Variants in FAXC observed in about 807,000 individuals in gnomAD.
FAXC encodes failed axon connections homolog.
Under a neutral mutation model 41.9 loss-of-function variants are expected in FAXC, and 10 were observed. The ratio of observed to expected loss-of-function variants is 0.24; its 90% CI spans 0.15 to 0.41. FAXC has a LOEUF of 0.41. FAXC is among the 10% of genes least tolerant of loss of function. The pLI, the probability that FAXC is intolerant of heterozygous loss-of-function variation, is 1.00. For missense variants in FAXC, 399 were observed against 510.9 expected, an observed-to-expected ratio of 0.78 and a Z score of 2.11; for synonymous variants, 183 against 183.8, an observed-to-expected ratio of 1.00 and a Z score of 0.03.
At chr6:99,293,901 G>A (rs1771357853) in intron 4 of FAXC, among the ~76,000 whole-genome samples, 1 of 152,068 alleles carries the variant, frequency 6.6e-6, no homozygotes, top group South Asian at 2.1e-4. Context: ...GACAAGCTGA[G>A]GAAACTGAGT....
At chr6:99,345,778 G>A (rs925619253) in intron 1 of FAXC, among the ~76,000 whole-genome samples, 2 of 152,228 alleles carry the variant, frequency 1.3e-5, no homozygotes, top group African/African-American at 4.8e-5. Context: ...AATGAAGTTA[G>A]TACTTAGTCA....
chr6:99,319,422 A>AT (rs1703941388), intron 4 of FAXC, among the ~76,000 whole-genome samples: 2 of 149,912 alleles, frequency 1.3e-5, no homozygotes, highest in Non-Finnish European at 3.0e-5. Flanking sequence ...AAAAAAAAAA[A>AT]GCAAACCCTC....
chr6:99,310,327 C>T (rs540070124), intron 4 of FAXC, among the ~76,000 whole-genome samples: 41 of 152,366 alleles, frequency 2.7e-4, no homozygotes, highest in African/African-American at 8.9e-4. Flanking sequence ...TGCCCTCACG[C>T]GGCCCTTCCC....
chr6:99,318,302 C>CA (rs1328926883), intron 4 of FAXC, among the ~76,000 whole-genome samples: 3 of 104,626 alleles, frequency 2.9e-5, no homozygotes, highest in Non-Finnish European at 6.8e-5. Flanking sequence ...CACACACACA[C>CA]ACACAAAATA....
chr6:99,289,499 T>A (rs543079077), intron 5 of FAXC, among the ~76,000 whole-genome samples: 21 of 151,922 alleles, frequency 1.4e-4, no homozygotes, highest in African/African-American at 2.7e-4. Context: ...TAAAAAAAAA[T>A]TTTTTAATTA....
At chr6:99,332,534 A>G (rs1005171314) in intron 3 of FAXC, among the ~76,000 whole-genome samples, 1 of 152,212 alleles carries the variant, frequency 6.6e-6, no homozygotes, top group Non-Finnish European at 1.5e-5. Flanking sequence ...TTTGTAAAGC[A>G]AGAACCATAT....
intron 5 of FAXC, among the ~76,000 whole-genome samples, chr6:99,286,666 A>G (rs1248505112): frequency 6.6e-6 from 1 of 152,226 alleles, no homozygotes; most frequent in Non-Finnish European, 1.5e-5. Context: ...TTGACCCATC[A>G]TGGCTTCAAT....
At chr6:99,332,679 G>C (rs1320244993) in intron 3 of FAXC, among the ~76,000 whole-genome samples, 1 of 152,160 alleles carries the variant, frequency 6.6e-6, no homozygotes, top group Non-Finnish European at 1.5e-5. Flanking sequence ...AGAAAATCCA[G>C]AAAGGAGTAG....
In FAXC at chr6:99,280,894, T is replaced by C. The variant is rs1770805519; in HGVS notation, c.*270A>G. On this transcript the variant is annotated 3_prime_UTR_variant, in exon 6 of 6. Transcript: ENST00000389677. ...CTCTTACACCTGCTCTACCACACAA[T>C]ATTATTAATAGTTTTCTAATGAAAA... The C allele has an allele frequency of 2.0e-5, 7 of 347,060 alleles. No individual in the cohort carries two copies. Among genetic ancestry groups the C allele is most frequent in the Non-Finnish European group, 3.2e-5 (6 of 186,626 alleles). 21.5% of individuals were successfully genotyped at this position (347,060 alleles called of 1,614,324 possible).
chr6:99,298,141 T>C (rs1311153501), intron 4 of FAXC, among the ~76,000 whole-genome samples: 1 of 152,194 alleles, frequency 6.6e-6, no homozygotes, highest in Admixed American at 6.5e-5. Context: ...TTCCAGGTGA[T>C]TCTTGTGCAC....
chr6:99,308,948 A>C (rs1256109157), intron 4 of FAXC, among the ~76,000 whole-genome samples: 2 of 152,246 alleles, frequency 1.3e-5, no homozygotes, highest in East Asian at 3.8e-4. Context: ...AGGTTGACCA[A>C]GCACCAAACA....
In FAXC at chr6:99,349,360, C is replaced by A. The variant is rs758365242; in HGVS notation, c.13G>T (p.Val5Phe). The A allele has an allele frequency of 6.2e-7, 1 of 1,610,866 alleles. No individual in the cohort carries two copies. The highest frequency in any genetic ancestry group is 1.1e-5 in the South Asian group (1 of 91,044). Residue 5 changes from valine to phenylalanine, a missense_variant, in exon 1 of 6, where the codon GTT (valine) becomes TTT (phenylalanine). By Grantham distance (50) the Val-to-Phe change is conservative (BLOSUM62 -1). Around this residue, in one of 3 missense-constraint regions of FAXC, gnomAD observed 68 missense variants for 63.4 expected, o/e 1.07. Transcript: ENST00000389677. ...CACGGCCTGGACGAAGCAAAGCCAA[C>A]CCCCCAGTGCATGCTGCGCGGCTGG... MHWG[V>F]GFASSRPCVV...
intron 3 of FAXC, among the ~76,000 whole-genome samples, chr6:99,329,847 C>T (rs1772967594): frequency 6.6e-6 from 1 of 150,414 alleles, no homozygotes; most frequent in African/African-American, 2.4e-5. Context: ...TGTTCTAATG[C>T]CTGTGTGTAT....
At position 99,291,863 on chromosome 6, in the gene FAXC, T is replaced by TGCCCCACATC. The variant is rs572069702; in HGVS notation, c.824-53_824-44dup. The TGCCCCACATC allele has an allele frequency of 7.8e-5, 106 of 1,354,638 alleles. 1 individual carries two copies. The East Asian group carries it at 2.2e-3, about 28-fold the overall frequency. 83.9% of individuals were successfully genotyped at this position (1,354,638 alleles called of 1,614,324 possible). On this transcript the variant is annotated intron_variant, in intron 4 of 5. Coordinates refer to ENST00000389677, the MANE Select transcript of FAXC (RefSeq NM_032511.4). ...GAGAAGTCAATGGGCTGGCCCACAC[T>TGCCCCACATC]GCCCCACATCATCACAATGGCATTT...
rs1225872518 is a variant in FAXC at position 99,349,133 on chromosome 6, A to T, written c.240T>A (p.Tyr80Ter). ...TGGALLAAAAYLLHELLVIRK... is the reference protein window; with the variant it reads ...TGGALLAAAA ...TAATGACCAGGAGTTCGTGGAGCAG[A>T]TACGCAGCTGCGGCCAGCAAAGCTC... The change falls in exon 1 of 6, where the codon TAT becomes TAA. Residue 80 changes from tyrosine (Y) to a stop codon, truncating the protein, a stop_gained. Coordinates refer to ENST00000389677, the MANE Select transcript of FAXC (RefSeq NM_032511.4). LOFTEE classifies it high-confidence loss of function. 6.2e-7 allele frequency: 1 copy of T among 1,613,686 alleles called. No homozygotes were observed. The highest frequency in any genetic ancestry group is 8.5e-7 in the Non-Finnish European group (1 of 1,179,984).
intron 3 of FAXC, among the ~76,000 whole-genome samples, chr6:99,332,786 A>T (rs1205654201): frequency 6.6e-6 from 1 of 152,208 alleles, no homozygotes; most frequent in Admixed American, 6.5e-5. Flanking sequence ...CCCTCCTCTG[A>T]GTCTCTGACA....
intron 5 of FAXC, among the ~76,000 whole-genome samples, chr6:99,290,871 G>A (rs1771214186): frequency 1.3e-5 from 2 of 150,110 alleles, no homozygotes; most frequent in Admixed American, 1.3e-4. Flanking sequence ...GAGTGCAGTG[G>A]CACAATCTTG....
At chr6:99,289,037 CCATT>C (rs1353362804) in intron 5 of FAXC, among the ~76,000 whole-genome samples, 1 of 152,180 alleles carries the variant, frequency 6.6e-6, no homozygotes, top group African/African-American at 2.4e-5. Context: ...ATCCATCCAT[CCATT>C]GACCCATCCA....
At chr6:99,349,068 C>T in intron 1 of FAXC, 39 bp downstream of exon 1, 1 of 1,597,430 alleles carries the variant, frequency 6.3e-7, no homozygotes, top group Non-Finnish European at 8.5e-7. Flanking sequence ...CCAGGTGCCC[C>T]TCTCTGCGCC....
Sources: allele counts gnomAD v4.1 joint callset (sites outside exome capture counted in the v4.1 genomes callset), GRCh38; gene constraint gnomAD v4.1.1; regional missense constraint gnomAD v4.1.1; transcripts MANE v1.5; gene names NCBI Gene and HGNC (gene_info 2026-07-23, HGNC 2026-07-21).